Variants in NEBL observed in about 807,000 individuals in gnomAD.
NEBL encodes the protein nebulette.
A neutral mutation model predicts 140.2 loss-of-function variants in NEBL; 122 were observed. That is an observed-to-expected ratio of 0.87 (90% confidence interval 0.75 to 1.01). The LOEUF is 1.01. Ranked by LOEUF, NEBL falls within the 50% of genes least tolerant of loss-of-function variation. The pLI is 0.00. For missense variants in NEBL, 1,365 were observed against 1,231.3 expected (o/e 1.11, Z -1.62); for synonymous variants, 436 against 398.9 (o/e 1.09, Z -1.11).
chr10:21,122,326 G>A (rs558093190), intron 2 of NEBL, among the ~76,000 whole-genome samples: 89 of 151,740 alleles, frequency 5.9e-4, no homozygotes, highest in African/African-American at 2.1e-3. Context: ...ACGCCCAGCC[G>A]GGATCTCTCC....
intron 26 of NEBL, among the ~76,000 whole-genome samples, chr10:20,802,900 T>C (rs981342618): frequency 2.0e-5 from 3 of 152,100 alleles, no homozygotes. Context: ...GCTGAGGAAA[T>C]GTAAAATATC....
At chr10:21,257,841 C>T (rs1325182197) in intron 1 of NEBL, among the ~76,000 whole-genome samples, 1 of 151,752 alleles carries the variant, frequency 6.6e-6, no homozygotes, top group Non-Finnish European at 1.5e-5. Context: ...GCCTGGATCG[C>T]GCCACTGCAC....
intron 16 of NEBL, among the ~76,000 whole-genome samples, chr10:20,830,477 C>T (rs1440884128): frequency 3.3e-5 from 5 of 152,126 alleles, no homozygotes; most frequent in Non-Finnish European, 7.3e-5. Flanking sequence ...ACTTCTCCCA[C>T]ATCCAGCTTT....
chr10:20,848,366 A>T lies in NEBL; in HGVS notation c.1116+2029T>A, dbSNP rs1428845842. Among the ~76,000 whole-genome samples, 3 of 152,352 alleles carry T rather than the reference A, an allele frequency of 2.0e-5. No individual in the cohort carries two copies. In the East Asian group the frequency reaches 5.8e-4, roughly 29 times the overall value. ...TGACCAAATTCACTAGTATCAATTC[A>T]CTTGAAACAAATAACTAATTTAATC... On this transcript the variant is annotated intron_variant, in intron 11 of 27. Coordinates refer to ENST00000377122, the MANE Select transcript of NEBL (RefSeq NM_006393.3).
intron 1 of NEBL, among the ~76,000 whole-genome samples, chr10:21,275,450 C>T (rs1209164866): frequency 3.9e-5 from 6 of 152,180 alleles, no homozygotes; most frequent in Non-Finnish European, 8.8e-5. Context: ...GAGTTCCTCT[C>T]ACTGAGCCCG....
intron 2 of NEBL, among the ~76,000 whole-genome samples, chr10:21,043,404 T>C (rs1834356651): frequency 6.6e-6 from 1 of 152,248 alleles, no homozygotes; most frequent in Non-Finnish European, 1.5e-5. Context: ...GTGCTTTCTA[T>C]GCACAATAAA....
At chr10:20,871,887 G>A (rs1489143499) in intron 5 of NEBL, among the ~76,000 whole-genome samples, 1 of 152,018 alleles carries the variant, frequency 6.6e-6, no homozygotes, top group African/African-American at 2.4e-5. Context: ...CACAAATGAT[G>A]GTAAATCAAT....
intron 3 of NEBL, among the ~76,000 whole-genome samples, chr10:21,247,547 T>C (rs1217645174): frequency 6.6e-6 from 1 of 152,108 alleles, no homozygotes; most frequent in African/African-American, 2.4e-5. Context: ...TCTTTCTAAT[T>C]TTTCACCTCA....
In NEBL at chr10:20,799,948, T is replaced by TGA. The variant is rs61528395; in HGVS notation, c.2761+8560_2761+8561dup. On this transcript the variant is annotated intron_variant, in intron 26 of 27. Transcript: ENST00000377122. The stretch of plus-strand genomic sequence containing the variant: ...ACGTGTGTGTGTGTGTGTGTGTGTG[T>TGA]GAGACGGAGAAAGAGAGAGCGCACG... Among the ~76,000 whole-genome samples the TGA allele has an allele frequency of 9.3e-5, 14 of 150,560 alleles. No individual in the cohort carries two copies. In the East Asian group the frequency reaches 2.1e-3, roughly 23 times the overall value.
intron 1 of NEBL, among the ~76,000 whole-genome samples, chr10:21,271,257 G>C (rs1842856856): frequency 6.6e-6 from 1 of 152,176 alleles, no homozygotes; most frequent in South Asian, 2.1e-4. Flanking sequence ...GACACAGAGA[G>C]ACAAATACTG....
chr10:20,863,426 A>G (rs770679437), intron 7 of NEBL, among the ~76,000 whole-genome samples: 4 of 152,224 alleles, frequency 2.6e-5, no homozygotes, highest in Admixed American at 6.5e-5. Flanking sequence ...AAGTAAGCAA[A>G]TAACACAATA....
At chr10:21,164,432 T>G (rs1840679079) in intron 2 of NEBL, among the ~76,000 whole-genome samples, 1 of 152,200 alleles carries the variant, frequency 6.6e-6, no homozygotes, top group South Asian at 2.1e-4. Context: ...CACTGAAATG[T>G]CCTCTCGCAC....
intron 2 of NEBL, chr10:21,146,502 T>C (rs1839902491): frequency 6.2e-7 from 1 of 1,612,146 alleles, no homozygotes; most frequent in Non-Finnish European, 8.5e-7. Context: ...CTTTCACTTT[T>C]AGCCATCCTA....
intron 3 of NEBL, among the ~76,000 whole-genome samples, chr10:21,229,691 A>G (rs1192705200): frequency 1.3e-5 from 2 of 152,174 alleles, no homozygotes; most frequent in African/African-American, 4.8e-5. Context: ...AGGAGGGGAT[A>G]TATCCAACTG....
chr10:21,221,217 T>A lies in NEBL; in HGVS notation n.348+26704A>T, dbSNP rs76218826. Among the ~76,000 whole-genome samples, 14 of 152,312 alleles carry A rather than the reference T, an allele frequency of 9.2e-5. No homozygotes were observed. The East Asian group carries it at 2.7e-3, about 29-fold the overall frequency. On this transcript the variant is annotated intron_variant and non_coding_transcript_variant, in intron 3 of 8. Coordinates refer to the NEBL transcript ENST00000675702. ...TAGGTTAATTAGCTTGACTCATGCA[T>A]TTCACAATGTATACATATATAAAAA...
rs532509877 is a variant in NEBL, at chr10:21,173,132, C to T, written c.69+633G>A. ...CCGGGCTGTTCATCTCCGTCCCTGC[C>T]CGGGAAGGGCAGGGGGCAGGGCTGG... On this transcript the variant is annotated intron_variant, in intron 1 of 6. Coordinates refer to the NEBL transcript ENST00000417816. The surrounding 1 kb of genome is among the most constrained non-coding windows in gnomAD (Gnocchi z 5.7). Among the ~76,000 whole-genome samples the T allele has an allele frequency of 3.3e-4, 51 of 152,306 alleles. No individual in the cohort carries two copies. The highest frequency in any genetic ancestry group is 1.1e-3 in the African/African-American group (45 of 41,566).
upstream of NEBL, among the ~76,000 whole-genome samples, chr10:20,900,505 C>T (rs922689673): frequency 2.0e-5 from 3 of 151,730 alleles, no homozygotes; most frequent in African/African-American, 7.3e-5. Flanking sequence ...TGGTCAAACC[C>T]CGTCTCTAGT....
At chr10:21,164,147 A>C (rs769650456) in intron 2 of NEBL, among the ~76,000 whole-genome samples, 9 of 152,218 alleles carry the variant, frequency 5.9e-5, no homozygotes, top group Non-Finnish European at 8.8e-5. Flanking sequence ...TTCCTAAAAC[A>C]TTCTGGGTAC....
chr10:20,782,459 T>C lies in NEBL; in HGVS notation c.*3288A>G, dbSNP rs544461580. ...CGAGGTACATCCCTTGAACTTCCAC[T>C]ATCTTTTTAGAAAAAGTCTTGTTCC... is the stretch of plus-strand genomic sequence containing the variant. On this transcript the variant is annotated 3_prime_UTR_variant, in exon 28 of 28. Coordinates refer to ENST00000377122, the MANE Select transcript of NEBL (RefSeq NM_006393.3). 1 of 152,716 alleles carries C rather than the reference T, an allele frequency of 6.5e-6. No homozygotes were observed. Among genetic ancestry groups the C allele is most frequent in the East Asian group, 1.9e-4 (1 of 5,178 alleles). The allele number at this position is 152,716 out of a possible 1,614,324, so 9.5% of individuals were successfully genotyped here. A position where few individuals can be genotyped will look rare whatever the true frequency, so the allele number is the denominator to read the frequency against.
Sources: allele counts gnomAD v4.1 joint callset (sites outside exome capture counted in the v4.1 genomes callset), GRCh38; gene constraint gnomAD v4.1.1; non-coding constraint Gnocchi (gnomAD v3.1); transcripts MANE v1.5; gene names NCBI Gene and HGNC (gene_info 2026-07-23, HGNC 2026-07-21).